Variants in TUBA1C observed in about 807,000 individuals in gnomAD.
The protein encoded by TUBA1C is tubulin alpha-1C chain.
Under a neutral mutation model 34.9 loss-of-function variants are expected in TUBA1C, and 16 were observed. The ratio of observed to expected loss-of-function variants is 0.46; its 90% CI spans 0.31 to 0.70. The LOEUF is 0.70. TUBA1C is among the 30% of genes least tolerant of loss of function. The pLI, the probability that TUBA1C is intolerant of heterozygous loss-of-function variation, is 0.05. For missense variants in TUBA1C, 329 were observed against 587.3 expected (o/e 0.56, Z 4.55); for synonymous variants, 177 against 215.9 (o/e 0.82, Z 1.58).
chr12:49,255,150 C>T (rs191836255), intron 1 of TUBA1C, among the ~76,000 whole-genome samples: 1 of 152,104 alleles, frequency 6.6e-6, no homozygotes, highest in East Asian at 1.9e-4. Flanking sequence ...ACCCAAAATA[C>T]AACTACGGAC....
chr12:49,265,599 C>T (rs754142645), intron 1 of TUBA1C, among the ~76,000 whole-genome samples: 3 of 152,230 alleles, frequency 2.0e-5, no homozygotes. Flanking sequence ...CGCTCCCGCA[C>T]CGACGGTGCA....
intron 1 of TUBA1C, among the ~76,000 whole-genome samples, chr12:49,231,146 C>T (rs1382806508): frequency 2.0e-5 from 3 of 152,110 alleles, no homozygotes; most frequent in Non-Finnish European, 2.9e-5. Flanking sequence ...TTTGTTGTTC[C>T]ATTAGTCCAT....
chr12:49,244,146 T>C (rs1428483889), intron 1 of TUBA1C, among the ~76,000 whole-genome samples: 4 of 117,616 alleles, frequency 3.4e-5, no homozygotes, highest in African/African-American at 1.5e-4. Flanking sequence ...TGAGACTCTG[T>C]CTCAAAAAAA....
chr12:49,241,322 AACTAGTGCCTCAGACCAGGC>A (rs1216352376), intron 1 of TUBA1C, among the ~76,000 whole-genome samples: 2 of 152,144 alleles, frequency 1.3e-5, no homozygotes, highest in Non-Finnish European at 2.9e-5. Flanking sequence ...CCCAGTGCCT[AACTAGTGCCTCAGACCAGGC>A]AAATGTTAGG....
intron 1 of TUBA1C, among the ~76,000 whole-genome samples, chr12:49,255,976 G>C (rs981847717): frequency 6.6e-6 from 1 of 152,198 alleles, no homozygotes; most frequent in Non-Finnish European, 1.5e-5. Flanking sequence ...GTGGTGGCAC[G>C]TGCCTGTAGT....
At chr12:49,255,684 G>T (rs966803808) in intron 1 of TUBA1C, among the ~76,000 whole-genome samples, 1 of 152,080 alleles carries the variant, frequency 6.6e-6, no homozygotes, top group Non-Finnish European at 1.5e-5. Flanking sequence ...TTGTGACTCA[G>T]CCTCTGGAGT....
intron 1 of TUBA1C, among the ~76,000 whole-genome samples, chr12:49,259,734 C>T (rs2137010186): frequency 6.6e-6 from 1 of 152,306 alleles, no homozygotes; most frequent in African/African-American, 2.4e-5. Flanking sequence ...AGACCGGTTT[C>T]ACCTCTAAGT....
chr12:49,251,085 T>C (rs1472335779), intron 1 of TUBA1C, among the ~76,000 whole-genome samples: 1 of 152,044 alleles, frequency 6.6e-6, no homozygotes, highest in Non-Finnish European at 1.5e-5. Context: ...CACATACCTA[T>C]AGACCCAGCT....
At chr12:49,259,154 A>G (rs200596549) in intron 1 of TUBA1C, among the ~76,000 whole-genome samples, 1 of 152,190 alleles carries the variant, frequency 6.6e-6, no homozygotes, top group East Asian at 1.9e-4. Context: ...CATTCATGGT[A>G]AGTGCCCTAT....
intron 1 of TUBA1C, among the ~76,000 whole-genome samples, chr12:49,242,517 G>T (rs139914495): frequency 1.3e-5 from 2 of 152,004 alleles, no homozygotes; most frequent in African/African-American, 4.8e-5. Context: ...ACTCAGGCTG[G>T]AGTGCAGTGG....
In TUBA1C at chr12:49,272,893, G is replaced by A. The variant is rs571434095; in HGVS notation, c.1016G>A (p.Arg339His). The change falls in exon 4 of 4, where the codon CGT (arginine) becomes CAT (histidine). Residue 339 changes from arginine (R) to histidine (H), a missense_variant. By Grantham distance (29) the Arg-to-His change is conservative. Coordinates refer to ENST00000301072, the MANE Select transcript of TUBA1C (RefSeq NM_032704.5). ...NAAIATIKTK[R>H]TIQFVDWCPT... ...GCCATTGCCACCATCAAAACCAAGC[G>A]TACCATCCAGTTTGTGGATTGGTGC... is the stretch of plus-strand genomic sequence containing the variant. The A allele has an allele frequency of 2.0e-5, 33 of 1,614,168 alleles. No individual in the cohort carries two copies. Among genetic ancestry groups the A allele is most frequent in the African/African-American group, 6.7e-5 (5 of 75,054 alleles).
At chr12:49,254,233 C>CCCGG (rs1422999900) in intron 1 of TUBA1C, among the ~76,000 whole-genome samples, 1 of 151,986 alleles carries the variant, frequency 6.6e-6, no homozygotes, top group African/African-American at 2.4e-5. Flanking sequence ...ATCGCTTGAA[C>CCCGG]CCGGGAGCTG....
chr12:49,230,909 C>T (rs1386551103), intron 1 of TUBA1C, among the ~76,000 whole-genome samples: 1 of 152,110 alleles, frequency 6.6e-6, no homozygotes, highest in Non-Finnish European at 1.5e-5. Flanking sequence ...GGAAAATAAG[C>T]GTAATCCTAA....
chr12:49,247,165 A>T (rs1426612062), intron 1 of TUBA1C, among the ~76,000 whole-genome samples: 1 of 152,050 alleles, frequency 6.6e-6, no homozygotes. Context: ...AGAAAAAAAA[A>T]GTAAAACAAG....
Position 49,274,283 on chromosome 12 carries a change from TAA to T in TUBA1C, c.*1057_*1058del, listed in dbSNP as rs2137027819. On this transcript the variant is annotated 3_prime_UTR_variant, in exon 4 of 4. Coordinates refer to ENST00000301072, the MANE Select transcript of TUBA1C (RefSeq NM_032704.5). ...TTCCACCATGCCTGGCTGATTCTTG[TAA>T]TTTTTTTTTTTTTTTTTTTTTTTTT... 1 of 135,552 alleles carries T rather than the reference TAA, an allele frequency of 7.4e-6. No individual in the cohort carries two copies. Among genetic ancestry groups the T allele is most frequent in the South Asian group, 2.4e-4 (1 of 4,140 alleles). The allele number at this position is 135,552 out of a possible 1,614,324, so 8.4% of individuals were successfully genotyped here.
intron 1 of TUBA1C, among the ~76,000 whole-genome samples, chr12:49,255,612 G>A (rs149503740): frequency 7.9e-5 from 12 of 152,138 alleles, no homozygotes; most frequent in African/African-American, 2.9e-4. Context: ...ATGCTGGAGT[G>A]CAGTGGCGCA....
intron 1 of TUBA1C, among the ~76,000 whole-genome samples, chr12:49,253,878 G>T (rs1250933622): frequency 7.9e-5 from 12 of 152,130 alleles, no homozygotes; most frequent in African/African-American, 2.9e-4. Flanking sequence ...AGAAAGTGAA[G>T]GGTCAAGAAA....
chr12:49,250,702 C>T (rs559901518), intron 1 of TUBA1C, among the ~76,000 whole-genome samples: 4 of 151,006 alleles, frequency 2.6e-5, no homozygotes, highest in African/African-American at 9.7e-5. Context: ...TACTTGAGCC[C>T]AGGAGTTCCA....
upstream of TUBA1C, among the ~76,000 whole-genome samples, chr12:49,261,033 TGAAATGCATAAA>T: frequency 6.6e-6 from 1 of 152,148 alleles, no homozygotes; most frequent in Non-Finnish European, 1.5e-5. Context: ...CTCACCTGGC[TGAAATGCATAAA>T]TCTTAAAAAA....
Sources: allele counts gnomAD v4.1 joint callset (sites outside exome capture counted in the v4.1 genomes callset), GRCh38; gene constraint gnomAD v4.1.1; transcripts MANE v1.5; gene names NCBI Gene and HGNC (gene_info 2026-07-23, HGNC 2026-07-21).